Variants in CYLD observed in about 807,000 individuals in gnomAD.
CYLD encodes CYLD lysine 63 deubiquitinase, also known as ubiquitin carboxyl-terminal hydrolase CYLD.
A neutral mutation model predicts 104.5 loss-of-function variants in CYLD; 26 were observed. The observed-to-expected ratio is 0.25, with a 90% confidence interval of 0.18 to 0.35. The LOEUF (loss-of-function observed/expected upper bound fraction) is 0.35. Ranked by LOEUF, CYLD falls within the 10% of genes least tolerant of loss-of-function variation. CYLD has a pLI of 1.00. For synonymous variants in CYLD, 385 were observed against 399.9 expected, an observed-to-expected ratio of 0.96 and a Z score of 0.45; for missense variants, 703 against 1,136.1, an observed-to-expected ratio of 0.62 and a Z score of 5.48.
rs769429894 is a variant in CYLD at position 50,777,816 on chromosome 16, T to A, written c.1022-9T>A. 50 of 1,444,592 alleles carry A rather than the reference T, an allele frequency of 3.5e-5. No individual in the cohort carries two copies. The highest frequency in any genetic ancestry group is 4.7e-5 in the Non-Finnish European group (48 of 1,027,912). The allele number at this position is 1,444,592 out of a possible 1,614,324, so 89.5% of individuals were successfully genotyped here. ...TTATTTTTAAATGAAACTTTTCTTG[T>A]TCCTATAGGATCTACCTCAGACCCT... On this transcript the variant is annotated splice_polypyrimidine_tract_variant and intron_variant, in intron 7 of 18. Coordinates refer to ENST00000427738, the MANE Select transcript of CYLD (RefSeq NM_001378743.1).
chr16:50,789,576 C>T (rs1018680770), intron 14 of CYLD, among the ~76,000 whole-genome samples: 3 of 152,076 alleles, frequency 2.0e-5, no homozygotes, highest in Non-Finnish European at 2.9e-5. Flanking sequence ...CTGTCCCCTT[C>T]ACCCCTGCAA....
intron 5 of CYLD, among the ~76,000 whole-genome samples, chr16:50,762,254 C>T (rs1968031689): frequency 6.6e-6 from 1 of 152,102 alleles, no homozygotes; most frequent in African/African-American, 2.4e-5. Flanking sequence ...CACTAGTCTC[C>T]TCTCACTGTT....
intron 4 of CYLD, 67 bp from the exon 5 acceptor site, chr16:50,754,252 G>A (rs1966840287): frequency 1.9e-6 from 2 of 1,062,904 alleles, no homozygotes; most frequent in Non-Finnish European, 2.9e-6. Context: ...ATTCTTTATG[G>A]AAAATACAGA....
Position 50,800,484 on chromosome 16 carries a change from C to T in CYLD, c.*3976C>T, listed in dbSNP as rs536324513. 43 of 233,170 alleles carry T rather than the reference C, an allele frequency of 1.8e-4. No individual in the cohort carries two copies. The Admixed American group carries it at 2.0e-3, about 11-fold the overall frequency. The allele number at this position is 233,170 out of a possible 1,614,324, so 14.4% of individuals were successfully genotyped here. ...ATGCATTTTAGTCTGTGTACCTCAA[C>T]CTGCTGTTTGTTTCCTAGAGGTGTT... On this transcript the variant is annotated 3_prime_UTR_variant, in exon 19 of 19. Coordinates refer to ENST00000427738, the MANE Select transcript of CYLD (RefSeq NM_001378743.1).
At chr16:50,781,517 C>T in intron 10 of CYLD, 106 bp downstream of exon 10, 1 of 1,379,500 alleles carries the variant, frequency 7.2e-7, no homozygotes. Context: ...ATATTTCTTG[C>T]CAACGCTCAT....
In CYLD at chr16:50,778,053, G is replaced by A. The variant is rs16948813; in HGVS notation, c.1138+112G>A. ...TTTTTGGAAACAGAATAAGTAGACC[G>A]CTCTTTGTAATATTGCTGAACTAAA... On this transcript the variant is annotated intron_variant, in intron 8 of 18. Transcript: ENST00000427738. 27,613 of 681,004 alleles carry A rather than the reference G, an allele frequency of 0.041. 4,247 individuals are homozygous for A. The highest frequency in any genetic ancestry group is 0.38 in the African/African-American group (21,188 of 55,638). The allele number at this position is 681,004 out of a possible 1,614,324, so 42.2% of individuals were successfully genotyped here. A position where few individuals can be genotyped will look rare whatever the true frequency, so the allele number is the denominator to read the frequency against.
chr16:50,782,531 T>A (rs1401833432), intron 11 of CYLD, 65 bp downstream of exon 11: 5 of 1,522,334 alleles, frequency 3.3e-6, no homozygotes, highest in Non-Finnish European at 1.8e-6. Context: ...TACCGGTGTG[T>A]GTGTGTGTGT....
At chr16:50,760,967 C>A (rs958162617) in intron 5 of CYLD, among the ~76,000 whole-genome samples, 4 of 152,090 alleles carry the variant, frequency 2.6e-5, no homozygotes, top group African/African-American at 9.7e-5. Context: ...TAACTTTTTT[C>A]CCAATCTGAT....
intron 5 of CYLD, among the ~76,000 whole-genome samples, chr16:50,755,188 C>G (rs1353114665): frequency 7.0e-6 from 1 of 142,646 alleles, no homozygotes; most frequent in Non-Finnish European, 1.5e-5. Context: ...TGTATATACA[C>G]ACGTGTACAT....
intron 5 of CYLD, among the ~76,000 whole-genome samples, chr16:50,756,175 A>G (rs1967213833): frequency 6.6e-6 from 1 of 152,222 alleles, no homozygotes; most frequent in Non-Finnish European, 1.5e-5. Context: ...CCAGACGTAT[A>G]TGAGTATAAG....
At chr16:50,792,021 A>G (rs1185611867) in intron 15 of CYLD, among the ~76,000 whole-genome samples, 2 of 152,210 alleles carry the variant, frequency 1.3e-5, no homozygotes, top group Non-Finnish European at 2.9e-5. Flanking sequence ...AAATACATCA[A>G]AATATAATGT....
chr16:50,780,519 A>G (rs1332845905), intron 9 of CYLD, among the ~76,000 whole-genome samples: 1 of 152,084 alleles, frequency 6.6e-6, no homozygotes, highest in African/African-American at 2.4e-5. Flanking sequence ...GAAGTTGAGT[A>G]TGTTTAGGAT....
chr16:50,754,886 T>C (rs532331143), intron 5 of CYLD, among the ~76,000 whole-genome samples: 40 of 149,826 alleles, frequency 2.7e-4, no homozygotes, highest in East Asian at 5.8e-4. Flanking sequence ...TATATATATA[T>C]ACGCATATAT....
chr16:50,752,531 C>T (rs901678084), intron 4 of CYLD, among the ~76,000 whole-genome samples: 7 of 152,122 alleles, frequency 4.6e-5, no homozygotes, highest in East Asian at 1.9e-4. Flanking sequence ...ATATACATAA[C>T]AAAATTTATC....
intron 11 of CYLD, chr16:50,784,021 A>C (rs8062540): frequency 2.9e-6 from 1 of 345,148 alleles, no homozygotes; most frequent in African/African-American, 2.1e-5. Context: ...CTCTCTATCA[A>C]CTTTTGCAAA....
At chr16:50,778,892 A>C (rs1323451563) in intron 8 of CYLD, among the ~76,000 whole-genome samples, 2 of 152,298 alleles carry the variant, frequency 1.3e-5, no homozygotes, top group Non-Finnish European at 2.9e-5. Context: ...AACAGCATTT[A>C]GTAAGAAGTT....
chr16:50,745,058 T>A (rs747569826), intron 2 of CYLD, among the ~76,000 whole-genome samples: 1 of 152,244 alleles, frequency 6.6e-6, no homozygotes, highest in Non-Finnish European at 1.5e-5. Context: ...TCAGTATTTA[T>A]TACCAAGATA....
chr16:50,781,721 C>CT lies in CYLD; in HGVS notation c.1684+322dup, dbSNP rs918672738. Among the ~76,000 whole-genome samples, 358 of 144,680 alleles carry CT rather than the reference C, an allele frequency of 2.5e-3. 1 individual carries two copies. The highest frequency in any genetic ancestry group is 3.7e-3 in the South Asian group (17 of 4,576). The allele number at this position is 144,680 out of a possible 152,430, so 94.9% of individuals were successfully genotyped here. ...GTGGTAGAAATTGAAATGTAACCTTCTTTTTTTTTTTTACTGACTTCCCTC... is the reference window on the plus strand; with the variant it reads ...GTGGTAGAAATTGAAATGTAACCTTCTTTTTTTTTTTTTACTGACTTCCCTC... On this transcript the variant is annotated intron_variant, in intron 10 of 18. Coordinates refer to ENST00000427738, the MANE Select transcript of CYLD (RefSeq NM_001378743.1).
At chr16:50,759,492 A>G in intron 5 of CYLD, among the ~76,000 whole-genome samples, 1 of 152,298 alleles carries the variant, frequency 6.6e-6, no homozygotes, top group East Asian at 1.9e-4. Flanking sequence ...TCTGTAGCTA[A>G]ACAATATACT....
Sources: gnomAD v4.1 joint callset for allele counts (sites outside exome capture counted in the v4.1 genomes callset) on GRCh38, gnomAD v4.1.1 for gene constraint, MANE v1.5 for transcripts, NCBI Gene and HGNC (gene_info 2026-07-23, HGNC 2026-07-21) for gene names.